The following NRG3 variants were observed in gnomAD, a reference collection of about 807,000 sequenced individuals.
NRG3 encodes neuregulin 3.
Under a neutral mutation model 66.9 loss-of-function variants are expected in NRG3, and 31 were observed. That is an observed-to-expected ratio of 0.46 (90% confidence interval 0.35 to 0.63). NRG3 has a LOEUF of 0.63. Ranked by LOEUF, NRG3 falls within the 20% of genes least tolerant of loss-of-function variation. The pLI is 0.00. For missense variants in NRG3, 910 were observed against 878.9 expected, an observed-to-expected ratio of 1.04 and a Z score of -0.45; for synonymous variants, 393 against 359.4, an observed-to-expected ratio of 1.09 and a Z score of -1.06.
At chr10:82,300,136 G>T (rs1260041267) in intron 1 of NRG3, among the ~76,000 whole-genome samples, 1 of 152,122 alleles carries the variant, frequency 6.6e-6, no homozygotes, top group African/African-American at 2.4e-5. Context: ...ATTAATATTT[G>T]TTATGAGTTA....
chr10:82,845,333 C>T (rs932704499), intron 3 of NRG3, among the ~76,000 whole-genome samples: 1 of 152,192 alleles, frequency 6.6e-6, no homozygotes, highest in African/African-American at 2.4e-5. Flanking sequence ...CATCATTGCT[C>T]TTACTGTCAT....
chr10:82,065,129 A>G (rs184040856), intron 1 of NRG3, among the ~76,000 whole-genome samples: 1 of 152,192 alleles, frequency 6.6e-6, no homozygotes, highest in African/African-American at 2.4e-5. Flanking sequence ...GGCCTTTAAA[A>G]CTCACTGACT....
At position 82,287,753 on chromosome 10, in the gene NRG3, C is replaced by T. The variant is rs959051507; in HGVS notation, c.824-70986C>T. ...ACTGAAGCTGGTGAAGGAGTGGCCA[C>T]AGCTGGAGGGACCACTGGGATTCTG... is the stretch of plus-strand genomic sequence containing the variant. On this transcript the variant is annotated intron_variant, in intron 1 of 8. Transcript: ENST00000372141. 2.4e-4 allele frequency among the ~76,000 whole-genome samples: 37 copies of T among 152,258 alleles called. No homozygotes were observed. The Middle Eastern group carries it at 0.01, about 42-fold the overall frequency.
chr10:82,725,451 G>A (rs1420846598), intron 2 of NRG3, among the ~76,000 whole-genome samples: 5 of 152,178 alleles, frequency 3.3e-5, no homozygotes, highest in Admixed American at 3.3e-4. Flanking sequence ...CTTGTGTGGT[G>A]TATAGAGGAA....
At chr10:82,103,342 G>T (rs2066875950) in intron 1 of NRG3, among the ~76,000 whole-genome samples, 3 of 152,130 alleles carry the variant, frequency 2.0e-5, no homozygotes, top group Non-Finnish European at 1.5e-5. Flanking sequence ...TTTGGGTTGA[G>T]TTCTGAACAT....
intron 2 of NRG3, among the ~76,000 whole-genome samples, chr10:82,411,096 A>G (rs1257781684): frequency 6.6e-6 from 1 of 152,100 alleles, no homozygotes; most frequent in Non-Finnish European, 1.5e-5. Flanking sequence ...TTGTATTTTT[A>G]GTACGGACAG....
In NRG3 at chr10:82,238,074, A is replaced by G. The variant is rs187627693; in HGVS notation, c.824-120665A>G. Among the ~76,000 whole-genome samples, 52 of 152,300 alleles carry G rather than the reference A, an allele frequency of 3.4e-4. No homozygotes were observed. The East Asian group carries it at 9.7e-3, about 28-fold the overall frequency. Reference sequence around the variant, plus strand: ...ATTTTACTATATTGGTAGTAATCTTAAAGTTAATACTCTAGCTGCATATCT... The same window carrying G: ...ATTTTACTATATTGGTAGTAATCTTGAAGTTAATACTCTAGCTGCATATCT... On this transcript the variant is annotated intron_variant, in intron 1 of 8. Coordinates refer to ENST00000372141, the MANE Select transcript of NRG3 (RefSeq NM_001010848.4).
rs117603002 is a variant in NRG3, at chr10:81,926,875, A to G, written c.823+50712A>G. ...GGTTTTAACTACTCTGAATCTCAGTAAAAGTATATAAATGAGATAATAATA... is the reference window on the plus strand; with the variant it reads ...GGTTTTAACTACTCTGAATCTCAGTGAAAGTATATAAATGAGATAATAATA... On this transcript the variant is annotated intron_variant, in intron 1 of 8. Coordinates refer to ENST00000372141, the MANE Select transcript of NRG3 (RefSeq NM_001010848.4). Among the ~76,000 whole-genome samples the G allele has an allele frequency of 1.2e-3, 179 of 152,286 alleles. 3 individuals are homozygous for G. The East Asian group carries it at 0.031, about 26-fold the overall frequency.
At chr10:82,288,703 G>A (rs2079557363) in intron 1 of NRG3, among the ~76,000 whole-genome samples, 1 of 152,184 alleles carries the variant, frequency 6.6e-6, no homozygotes, top group African/African-American at 2.4e-5. Flanking sequence ...TGTCACAAAT[G>A]CAATGACACT....
chr10:82,082,502 G>T (rs1231148098), intron 1 of NRG3, among the ~76,000 whole-genome samples: 1 of 152,130 alleles, frequency 6.6e-6, no homozygotes. Flanking sequence ...GAAATTTGCG[G>T]TTCATAACAG....
At chr10:82,182,765 C>G in intron 1 of NRG3, among the ~76,000 whole-genome samples, 1 of 151,800 alleles carries the variant, frequency 6.6e-6, no homozygotes, top group African/African-American at 2.4e-5. Flanking sequence ...CATTTAGCAT[C>G]TTTCAGTTTC....
chr10:82,300,168 A>G (rs764960254), intron 1 of NRG3, among the ~76,000 whole-genome samples: 2 of 152,236 alleles, frequency 1.3e-5, no homozygotes, highest in Non-Finnish European at 2.9e-5. Flanking sequence ...ATGTTAATAA[A>G]GAAATATTTA....
In NRG3 at chr10:82,649,459, C is replaced by CTT. The variant is rs71469930; in HGVS notation, c.954-89092_954-89091dup. ...GCAGTATTGTGCTTTCTGGTGCAGGCTTTTTTTTTTTTTTTTTTTTTTTTT... is the reference window on the plus strand; with the variant it reads ...GCAGTATTGTGCTTTCTGGTGCAGGCTTTTTTTTTTTTTTTTTTTTTTTTTTT... On this transcript the variant is annotated intron_variant, in intron 2 of 8. Transcript: ENST00000372141. 8.4e-4 allele frequency among the ~76,000 whole-genome samples: 41 copies of CTT among 48,796 alleles called. 5 individuals are homozygous for CTT. The highest frequency in any genetic ancestry group is 1.6e-3 in the African/African-American group (25 of 15,980). The allele number at this position is 48,796 out of a possible 152,430, so 32.0% of individuals were successfully genotyped here.
chr10:82,129,112 C>G (rs775037775), intron 1 of NRG3, among the ~76,000 whole-genome samples: 1 of 151,958 alleles, frequency 6.6e-6, no homozygotes, highest in Non-Finnish European at 1.5e-5. Flanking sequence ...GGGGTTTCAC[C>G]ATTTCGGCCA....
At chr10:82,143,559 C>T (rs917637723) in intron 1 of NRG3, among the ~76,000 whole-genome samples, 4 of 152,186 alleles carry the variant, frequency 2.6e-5, no homozygotes, top group African/African-American at 9.6e-5. Flanking sequence ...TAAACAGTTG[C>T]ATCAGTTTAT....
chr10:81,880,190 T>C (rs1842052450), intron 1 of NRG3, among the ~76,000 whole-genome samples: 1 of 151,840 alleles, frequency 6.6e-6, no homozygotes, highest in Admixed American at 6.6e-5. Context: ...AGGGCAGGGG[T>C]GGGTGTGTTG....
chr10:81,887,247 T>C (rs1364846669), intron 1 of NRG3, among the ~76,000 whole-genome samples: 3 of 152,236 alleles, frequency 2.0e-5, no homozygotes, highest in Non-Finnish European at 2.9e-5. Context: ...TAATGCCTTA[T>C]TGAAGGCAGA....
At chr10:82,150,046 A>T (rs1413986961) in intron 1 of NRG3, among the ~76,000 whole-genome samples, 3 of 152,068 alleles carry the variant, frequency 2.0e-5, no homozygotes, top group Non-Finnish European at 4.4e-5. Flanking sequence ...GAGTGCACCC[A>T]TCTGGACTCC....
chr10:82,442,074 G>C (rs1257336808), intron 2 of NRG3, among the ~76,000 whole-genome samples: 1 of 152,146 alleles, frequency 6.6e-6, no homozygotes. Context: ...GAGTGAGAAT[G>C]GTAGGATATA....
Sources: allele counts gnomAD v4.1 joint callset (sites outside exome capture counted in the v4.1 genomes callset), GRCh38; gene constraint gnomAD v4.1.1; transcripts MANE v1.5; gene names NCBI Gene and HGNC (gene_info 2026-07-23, HGNC 2026-07-21).